Variants in PCF11 observed in about 807,000 individuals in gnomAD.
The protein encoded by PCF11 is pre-mRNA cleavage complex 2 protein Pcf11.
A neutral mutation model predicts 166.1 loss-of-function variants in PCF11; 19 were observed. That is an observed-to-expected ratio of 0.11 (90% CI 0.08 to 0.17). The LOEUF is 0.17. PCF11 is among the 10% of genes least tolerant of loss of function. The pLI is 1.00. For missense variants in PCF11, 1,565 were observed against 1,855.5 expected (o/e 0.84, Z 2.88); for synonymous variants, 663 against 644.1 (o/e 1.03, Z -0.44).
exon 13 of PCF11, chr11:83,181,860 A>G: frequency 6.2e-7 from 1 of 1,603,014 alleles, no homozygotes; most frequent in Non-Finnish European, 8.5e-7. Flanking sequence ...TAAGGACTGG[A>G]TAGAATTTGA....
At chr11:83,168,611 C>T in exon 8 of PCF11, 1 of 1,613,960 alleles carries the variant, frequency 6.2e-7, no homozygotes, top group Non-Finnish European at 8.5e-7. Flanking sequence ...AGTAGGCCAT[C>T]AGTAGCAAGA....
intron 4 of PCF11, among the ~76,000 whole-genome samples, chr11:83,165,156 T>A (rs1860400877): frequency 6.6e-6 from 1 of 152,228 alleles, no homozygotes; most frequent in Non-Finnish European, 1.5e-5. Context: ...CATCTGAGCT[T>A]ATTCGACAGT....
intron 9 of PCF11, among the ~76,000 whole-genome samples, chr11:83,174,159 A>G (rs936604745): frequency 3.9e-5 from 6 of 152,140 alleles, no homozygotes; most frequent in African/African-American, 1.4e-4. Flanking sequence ...TCATTCTTCA[A>G]GTTCTTCTTA....
exon 4 of PCF11, chr11:83,164,261 C>T (rs1358087641): frequency 6.2e-7 from 1 of 1,613,684 alleles, no homozygotes; most frequent in East Asian, 2.2e-5. Context: ...CATCTCCACT[C>T]CTCCAATTGT....
chr11:83,181,289 T>A (rs879616009), intron 12 of PCF11, 98 bp downstream of exon 12: 2 of 372,792 alleles, frequency 5.4e-6, no homozygotes, highest in Non-Finnish European at 8.7e-6. Flanking sequence ...TAATTTTAAT[T>A]AAGTAATTTA....
At chr11:83,157,305 C>T (rs927954018) in exon 1 of PCF11, 14 of 737,598 alleles carry the variant, frequency 1.9e-5, no homozygotes, top group East Asian at 1.3e-4. Flanking sequence ...CCCCATCCCC[C>T]CTCCGCGGTC....
chr11:83,169,403 C>G (rs746280401), exon 8 of PCF11: 1 of 1,613,496 alleles, frequency 6.2e-7, no homozygotes, highest in Admixed American at 1.7e-5. Context: ...ATTGAAGGGC[C>G]TCTGGGTCAA....
At chr11:83,166,711 A>C in exon 5 of PCF11, 1 of 1,592,472 alleles carries the variant, frequency 6.3e-7, no homozygotes, top group Non-Finnish European at 8.5e-7. Flanking sequence ...GAAGAAAATA[A>C]AAGGTATGAT....
chr11:83,183,327 C>G (rs1228540256), intron 15 of PCF11, among the ~76,000 whole-genome samples: 2 of 152,040 alleles, frequency 1.3e-5, no homozygotes, highest in African/African-American at 4.8e-5. Flanking sequence ...GCATTTTATT[C>G]ACTTGAATCA....
intron 10 of PCF11, 98 bp from the exon 11 acceptor site, chr11:83,177,616 G>A (rs1423322878): frequency 9.6e-6 from 5 of 523,126 alleles, no homozygotes; most frequent in Middle Eastern, 3.7e-4. Context: ...AATGGACTAG[G>A]TGGATTTCTC....
At chr11:83,166,313 G>A (rs1247010010) in exon 5 of PCF11, 1 of 1,613,602 alleles carries the variant, frequency 6.2e-7, no homozygotes, top group Non-Finnish European at 8.5e-7. Context: ...CAAAACCAGG[G>A]AGATCGAGTA....
intron 1 of PCF11, chr11:83,158,751 A>G (rs1034230684): frequency 6.6e-6 from 1 of 152,216 alleles, no homozygotes; most frequent in Non-Finnish European, 1.5e-5. Flanking sequence ...CACTTTAACA[A>G]CAACCACCAA....
chr11:83,171,543 C>T (rs980906516), intron 8 of PCF11, among the ~76,000 whole-genome samples: 3 of 152,180 alleles, frequency 2.0e-5, no homozygotes, highest in Admixed American at 6.5e-5. Context: ...TTTTGGGGGG[C>T]TACTTTGCCT....
At chr11:83,183,214 G>T (rs1861143359) in intron 15 of PCF11, 141 bp downstream of exon 15, 3 of 519,850 alleles carry the variant, frequency 5.8e-6, no homozygotes, top group Non-Finnish European at 1.0e-5. Context: ...TAGCATTTAG[G>T]TTGTTCAGTA....
chr11:83,167,494 A>G lies in PCF11; in HGVS notation c.2081A>G (p.Gln694Arg). Residue 694 changes from glutamine (Q) to arginine (R), a missense_variant, in exon 7 of 16, where the codon CAG becomes CGG. By Grantham distance (43) the Gln-to-Arg change is conservative (BLOSUM62 1). This residue lies in a region of PCF11 where 26 missense variants were observed against 63.3 expected (regional missense o/e 0.41). Transcript: ENST00000298281. The surrounding 1 kb of genome is among the most constrained non-coding windows in gnomAD (Gnocchi z 4.2). ...GTGCATCAAATTCGACAGCTATTTC[A>G]GTATCAAGAAGGTAAACATAGATGC... 2 of 1,610,048 alleles carry G rather than the reference A, an allele frequency of 1.2e-6. No individual in the cohort carries two copies. The highest frequency in any genetic ancestry group is 1.7e-6 in the Non-Finnish European group (2 of 1,178,458).
At chr11:83,171,196 A>G (rs1392857839) in intron 8 of PCF11, 1 of 403,230 alleles carries the variant, frequency 2.5e-6, no homozygotes, top group East Asian at 7.3e-5. Context: ...GTTTTTTAAC[A>G]TTCCCTTTGA....
chr11:83,168,300 C>T, intron 7 of PCF11, 128 bp from the exon 8 acceptor site: 1 of 879,968 alleles, frequency 1.1e-6, no homozygotes, highest in South Asian at 1.9e-5. Flanking sequence ...TTATCTGCTG[C>T]TTTACGCTGT....
At chr11:83,161,209 C>A in intron 1 of PCF11, 118 bp from the exon 2 acceptor site, 2 of 740,944 alleles carry the variant, frequency 2.7e-6, no homozygotes, top group Non-Finnish European at 4.2e-6. Flanking sequence ...AAGATTACTT[C>A]AAAAATATTT....
intron 9 of PCF11, among the ~76,000 whole-genome samples, chr11:83,175,581 T>C (rs1860848089): frequency 1.3e-5 from 2 of 152,152 alleles, no homozygotes; most frequent in South Asian, 2.1e-4. Context: ...TGAAACCCCG[T>C]CTCTACTAAA....
Sources: gnomAD v4.1 joint callset for allele counts (sites outside exome capture counted in the v4.1 genomes callset) on GRCh38, gnomAD v4.1.1 for gene constraint, gnomAD v4.1.1 regional missense constraint, Gnocchi (gnomAD v3.1) non-coding constraint, MANE v1.5 for transcripts, NCBI Gene and HGNC (gene_info 2026-07-23, HGNC 2026-07-21) for gene names.